The following NEO1 variants were observed in gnomAD, a reference collection of about 807,000 sequenced individuals.
NEO1 encodes the protein neogenin.
In NEO1, 63 loss-of-function variants were observed where a neutral mutation model predicts 159.7. The ratio of observed to expected loss-of-function variants is 0.39; its 90% confidence interval spans 0.32 to 0.49. NEO1 has a LOEUF of 0.49. NEO1 is among the 20% of genes least tolerant of loss of function. The pLI is 0.85. For missense variants in NEO1, 1,615 were observed against 1,831.0 expected (o/e 0.88, Z 2.15); for synonymous variants, 633 against 662.0 (o/e 0.96, Z 0.67).
chr15:73,288,186 A>G (rs1188044958), intron 23 of NEO1, 127 bp from the exon 24 acceptor site: 2 of 726,954 alleles, frequency 2.8e-6, no homozygotes, highest in Admixed American at 2.3e-5. Flanking sequence ...GGCAGGAGGT[A>G]TGTTTTTAGT....
In NEO1 at chr15:73,052,543, C is replaced by CGGGCT; in HGVS notation, c.-125_-121dup. ...AGGGGCTGCGCGGGCCGGGCCGGGC[C>CGGGCT]GGGCTGGGCTGGAGCAGCGGCGGCC... On this transcript the variant is annotated 5_prime_UTR_variant, in exon 1 of 29. Coordinates refer to ENST00000261908, the MANE Select transcript of NEO1 (RefSeq NM_002499.4). 7.8e-6 allele frequency: 3 copies of CGGGCT among 384,134 alleles called. No homozygotes were observed. The highest frequency in any genetic ancestry group is 1.2e-5 in the Non-Finnish European group (3 of 251,144). 23.8% of individuals were successfully genotyped at this position (384,134 alleles called of 1,614,324 possible). A position where few individuals can be genotyped will look rare whatever the true frequency, so the allele number is the denominator to read the frequency against.
chr15:73,095,587 TA>T lies in NEO1; in HGVS notation c.131-20951del, dbSNP rs755362168. ...GAACAGTTTGATGGGGAAAGATGTT[TA>T]ATTTTTTTCCTCTTCCTTTTGAAAA... On this transcript the variant is annotated intron_variant, in intron 1 of 28. Coordinates refer to ENST00000261908, the MANE Select transcript of NEO1 (RefSeq NM_002499.4). 3.0e-4 allele frequency among the ~76,000 whole-genome samples: 46 copies of T among 152,326 alleles called. 1 individual carries two copies. The highest frequency in any genetic ancestry group is 6.8e-3 in the Middle Eastern group (2 of 294).
intron 4 of NEO1, among the ~76,000 whole-genome samples, chr15:73,131,612 A>G (rs1420459472): frequency 6.6e-6 from 1 of 152,092 alleles, no homozygotes; most frequent in East Asian, 1.9e-4. Flanking sequence ...GTGGCCTCCT[A>G]ATTGTTCTTC....
intron 28 of NEO1, 57 bp downstream of exon 28, chr15:73,301,514 T>C: frequency 6.2e-7 from 1 of 1,609,414 alleles, no homozygotes. Flanking sequence ...CCCCAGGGCC[T>C]GAGACTGCTG....
chr15:73,109,218 ATAT>A (rs1353620430), intron 1 of NEO1, among the ~76,000 whole-genome samples: 4 of 152,106 alleles, frequency 2.6e-5, no homozygotes, highest in Non-Finnish European at 4.4e-5. Context: ...TTTGGGGGAG[ATAT>A]TATAGGTTTT....
At chr15:73,258,998 C>A (rs3817375) in intron 14 of NEO1, 122 bp downstream of exon 14, 13 of 753,132 alleles carry the variant, frequency 1.7e-5, no homozygotes, top group African/African-American at 5.2e-5. Flanking sequence ...TAGTGCATCA[C>A]GCTGCTGTTG....
rs565278036 is a variant in NEO1 at position 73,251,256 on chromosome 15, A to T, written c.1894+1535A>T. 2.9e-4 allele frequency among the ~76,000 whole-genome samples: 44 copies of T among 152,244 alleles called. No homozygotes were observed. The South Asian group carries it at 7.0e-3, about 24-fold the overall frequency. On this transcript the variant is annotated intron_variant, in intron 11 of 28. Coordinates refer to ENST00000261908, the MANE Select transcript of NEO1 (RefSeq NM_002499.4). ...CTTGGTGCAGTGGCTCATGCCTGTAATCCCAGCACTTTGGGAGGCCAAGTC... is the reference window on the plus strand; with the variant it reads ...CTTGGTGCAGTGGCTCATGCCTGTATTCCCAGCACTTTGGGAGGCCAAGTC...
intron 8 of NEO1, among the ~76,000 whole-genome samples, chr15:73,242,041 G>C (rs1409538485): frequency 6.6e-6 from 1 of 152,110 alleles, no homozygotes; most frequent in Non-Finnish European, 1.5e-5. Flanking sequence ...ATTCTGCTAC[G>C]TGCTTCTGTC....
intron 5 of NEO1, among the ~76,000 whole-genome samples, chr15:73,163,476 A>G (rs901990263): frequency 6.6e-6 from 1 of 152,132 alleles, no homozygotes; most frequent in African/African-American, 2.4e-5. Flanking sequence ...TACATCTACA[A>G]ATAAATTTTT....
intron 1 of NEO1, among the ~76,000 whole-genome samples, chr15:73,084,154 A>C (rs949519981): frequency 1.3e-5 from 2 of 152,098 alleles, no homozygotes; most frequent in African/African-American, 4.8e-5. Context: ...TAGAACTTAA[A>C]GTATAATTAA....
chr15:73,096,043 A>G (rs572618699), intron 1 of NEO1, among the ~76,000 whole-genome samples: 3 of 152,310 alleles, frequency 2.0e-5, no homozygotes, highest in Admixed American at 2.0e-4. Context: ...GTTTATGGGG[A>G]CAGTGCCCCC....
chr15:73,240,457 A>G (rs1023282777), intron 8 of NEO1, among the ~76,000 whole-genome samples: 2 of 152,238 alleles, frequency 1.3e-5, no homozygotes, highest in African/African-American at 2.4e-5. Flanking sequence ...AAGCTGGCCA[A>G]ACTGGCCCAG....
At chr15:73,295,058 C>T (rs1397454878) in intron 26 of NEO1, among the ~76,000 whole-genome samples, 2 of 148,784 alleles carry the variant, frequency 1.3e-5, no homozygotes, top group African/African-American at 2.4e-5. Context: ...GCAGGAGGAT[C>T]GCTTGAGCCC....
intron 4 of NEO1, among the ~76,000 whole-genome samples, chr15:73,131,108 C>G (rs750121057): frequency 2.6e-5 from 4 of 152,208 alleles, no homozygotes; most frequent in Non-Finnish European, 5.9e-5. Flanking sequence ...AAGAAGAGAG[C>G]TAAAACAGAA....
intron 1 of NEO1, among the ~76,000 whole-genome samples, chr15:73,069,405 G>A (rs2068423268): frequency 6.6e-6 from 1 of 151,768 alleles, no homozygotes; most frequent in African/African-American, 2.4e-5. Flanking sequence ...TTTCTCTGAG[G>A]CCAAGAGACT....
At chr15:73,183,759 A>G (rs1479338) in intron 7 of NEO1, among the ~76,000 whole-genome samples, 48,795 of 151,918 alleles carry the variant, frequency 0.32, 9,060 homozygotes, top group Admixed American at 0.45. Context: ...AGGAAAGGAA[A>G]AAAAAAGAGA....
At chr15:73,181,994 G>T (rs945047013) in intron 7 of NEO1, among the ~76,000 whole-genome samples, 3 of 151,542 alleles carry the variant, frequency 2.0e-5, no homozygotes, top group Non-Finnish European at 4.4e-5. Flanking sequence ...GATTTAATGG[G>T]ACTTGCCCTT....
chr15:73,180,830 TAAG>T (rs1277418182), intron 7 of NEO1, among the ~76,000 whole-genome samples: 3 of 152,168 alleles, frequency 2.0e-5, no homozygotes, highest in East Asian at 1.9e-4. Context: ...GCATAGATTA[TAAG>T]AAGGAGAGTA....
At chr15:73,119,849 C>A (rs2071530031) in intron 2 of NEO1, among the ~76,000 whole-genome samples, 1 of 152,130 alleles carries the variant, frequency 6.6e-6, no homozygotes, top group Non-Finnish European at 1.5e-5. Flanking sequence ...TTTAAAAATA[C>A]AACTGAGCTG....
Sources: gnomAD v4.1 joint callset for allele counts (sites outside exome capture counted in the v4.1 genomes callset) on GRCh38, gnomAD v4.1.1 for gene constraint, MANE v1.5 for transcripts, NCBI Gene and HGNC (gene_info 2026-07-23, HGNC 2026-07-21) for gene names.